The following ITGA3 variants were observed in gnomAD, a reference collection of about 807,000 sequenced individuals.
ITGA3 encodes integrin alpha-3.
Under a neutral mutation model 131.1 loss-of-function variants are expected in ITGA3, and 70 were observed. The ratio of observed to expected loss-of-function variants is 0.53; its 90% confidence interval spans 0.44 to 0.65. The LOEUF is 0.65. Ranked by LOEUF, ITGA3 falls within the 30% of genes least tolerant of loss-of-function variation. ITGA3 has a pLI of 0.00. For synonymous variants in ITGA3, 537 were observed against 571.6 expected, an observed-to-expected ratio of 0.94 and a Z score of 0.86; for missense variants, 1,098 against 1,388.6, an observed-to-expected ratio of 0.79 and a Z score of 3.33.
At chr17:50,063,084 T>TGGCCCAAGGCCATCCTCTGATGGCCCCA (rs1376586268) in intron 1 of ITGA3, among the ~76,000 whole-genome samples, 1 of 152,142 alleles carries the variant, frequency 6.6e-6, no homozygotes, top group African/African-American at 2.4e-5. Flanking sequence ...TCCTCTAAGA[T>TGGCCCAAGGCCATCCTCTGATGGCCCCA]GGCATTTCAG....
rs774253538 is a variant in ITGA3, at chr17:50,074,160, A to C, written c.1262A>C (p.Lys421Thr). 93 of 1,613,962 alleles carry C rather than the reference A, an allele frequency of 5.8e-5. No individual in the cohort carries two copies. Among genetic ancestry groups the C allele is most frequent in the Non-Finnish European group, 7.6e-5 (90 of 1,179,950 alleles). ...TGCCCCCAGGTAATCCATGGAGAGAAGCTGGGACTGCCTGGGTTGGCCACC... is the reference window on the plus strand; with the variant it reads ...TGCCCCCAGGTAATCCATGGAGAGACGCTGGGACTGCCTGGGTTGGCCACC... ...RQPQQVIHGE[K>T]LGLPGLATFG... is the part of the protein sequence containing the mutation. The change falls in exon 9 of 26, where the codon AAG (lysine) becomes ACG (threonine). Residue 421 changes from lysine (K) to threonine (T), a missense_variant. Lys to Thr is a moderately conservative substitution (Grantham distance 78). This residue lies in a region of ITGA3 where 699 missense variants were observed against 829.2 expected (regional missense o/e 0.84). Transcript: ENST00000320031.
chr17:50,062,611 C>G (rs1938235988), intron 1 of ITGA3, among the ~76,000 whole-genome samples: 1 of 152,222 alleles, frequency 6.6e-6, no homozygotes, highest in African/African-American at 2.4e-5. Context: ...CTTCCCAGCA[C>G]CCGCAGGCAG....
chr17:50,061,746 A>T (rs1156976476), intron 1 of ITGA3, among the ~76,000 whole-genome samples: 1 of 152,162 alleles, frequency 6.6e-6, no homozygotes, highest in African/African-American at 2.4e-5. Context: ...CAGGGCAGAA[A>T]TTCCTGGGTC....
intron 6 of ITGA3, 96 bp from the exon 7 acceptor site, chr17:50,071,890 G>A: frequency 9.0e-7 from 1 of 1,105,908 alleles, no homozygotes; most frequent in African/African-American, 1.6e-5. Flanking sequence ...CATTTGCAGA[G>A]CCCTGTGCCC....
At chr17:50,088,795 A>G (rs1909582017) in intron 25 of ITGA3, among the ~76,000 whole-genome samples, 1 of 152,100 alleles carries the variant, frequency 6.6e-6, no homozygotes, top group African/African-American at 2.4e-5. Context: ...AGGATAACAA[A>G]TGGACCCATT....
chr17:50,064,385 T>A lies in ITGA3; in HGVS notation c.335-143T>A. Reference sequence around the variant, plus strand: ...TGGATGGGATTGGTAGAGCTCAGAATAATGACGAGCTGGAGAAGGGGAGTT... The same window carrying A: ...TGGATGGGATTGGTAGAGCTCAGAAAAATGACGAGCTGGAGAAGGGGAGTT... On this transcript the variant is annotated intron_variant, in intron 2 of 25. Transcript: ENST00000320031. The surrounding 1 kb of genome is among the most constrained non-coding windows in gnomAD (Gnocchi z 4.4). 8.9e-7 allele frequency: 1 copy of A among 1,122,086 alleles called. No homozygotes were observed. The highest frequency in any genetic ancestry group is 1.3e-6 in the Non-Finnish European group (1 of 787,754). 69.5% of individuals were successfully genotyped at this position (1,122,086 alleles called of 1,614,324 possible).
intron 10 of ITGA3, among the ~76,000 whole-genome samples, chr17:50,075,229 A>G (rs925307927): frequency 4.6e-5 from 7 of 152,156 alleles, no homozygotes; most frequent in African/African-American, 1.7e-4. Flanking sequence ...TCTGGGCCCT[A>G]GGCCTCAGTT....
rs1909079748 is a variant in ITGA3 at position 50,079,432 on chromosome 17, C to T, written c.2584-3C>T. ...GCCAGCAAATCTCCTATTTCCTCTC[C>T]AGGACCCTGGGGACAGGCCATCATC... On this transcript the variant is annotated splice_region_variant and splice_polypyrimidine_tract_variant and intron_variant, in intron 20 of 25. Transcript: ENST00000320031. The T allele has an allele frequency of 6.4e-7, 1 of 1,560,310 alleles. No homozygotes were observed. Among genetic ancestry groups the T allele is most frequent in the African/African-American group, 1.4e-5 (1 of 73,422 alleles).
intron 1 of ITGA3, among the ~76,000 whole-genome samples, chr17:50,061,386 G>C (rs548141982): frequency 6.6e-6 from 1 of 152,074 alleles, no homozygotes; most frequent in Non-Finnish European, 1.5e-5. Context: ...GAGTTGAGGG[G>C]GCTGGGAGGG....
intron 23 of ITGA3, among the ~76,000 whole-genome samples, chr17:50,085,624 C>T (rs900658401): frequency 6.8e-6 from 1 of 147,640 alleles, no homozygotes; most frequent in Admixed American, 6.8e-5. Flanking sequence ...AGATTGTGCC[C>T]CTGCACTCCA....
intron 23 of ITGA3, among the ~76,000 whole-genome samples, chr17:50,081,953 C>G (rs1310973998): frequency 1.3e-5 from 2 of 152,168 alleles, no homozygotes; most frequent in African/African-American, 4.8e-5. Context: ...TGAGTATTGA[C>G]AGATGATGTC....
At chr17:50,082,891 C>T (rs9897507) in intron 23 of ITGA3, among the ~76,000 whole-genome samples, 17,978 of 152,152 alleles carry the variant, frequency 0.12, 1,324 homozygotes, top group East Asian at 0.32. Flanking sequence ...CAGTAGGATT[C>T]AGGAAACTTG....
chr17:50,074,431 C>T lies in ITGA3; in HGVS notation c.1383-17C>T. 1 of 1,612,664 alleles carries T rather than the reference C, an allele frequency of 6.2e-7. No individual in the cohort carries two copies. Reference sequence around the variant, plus strand: ...GCAGGAGGCACTGATATCTGTCTGGCTCTGTTGTCTCTGCAGGGCCCGGCC... The same window carrying T: ...GCAGGAGGCACTGATATCTGTCTGGTTCTGTTGTCTCTGCAGGGCCCGGCC... On this transcript the variant is annotated splice_polypyrimidine_tract_variant and intron_variant, in intron 9 of 25. Transcript: ENST00000320031.
At position 50,089,252 on chromosome 17, in the gene ITGA3, A is replaced by AC; in HGVS notation, c.*176dup. 2 of 1,612,744 alleles carry AC rather than the reference A, an allele frequency of 1.2e-6. No homozygotes were observed. The highest frequency in any genetic ancestry group is 1.7e-6 in the Non-Finnish European group (2 of 1,179,712). On this transcript the variant is annotated 3_prime_UTR_variant, in exon 26 of 26. Transcript: ENST00000320031. Reference sequence around the variant, plus strand: ...TGGGTGACCAGCTGGCAGACTCGGGACCAATACTACTGACGTCCTCCCTGA... The same window carrying AC: ...TGGGTGACCAGCTGGCAGACTCGGGACCCAATACTACTGACGTCCTCCCTGA...
intron 1 of ITGA3, 185 bp from the exon 2 acceptor site, chr17:50,063,892 G>T: frequency 1.3e-6 from 1 of 744,362 alleles, no homozygotes; most frequent in Non-Finnish European, 2.1e-6. Flanking sequence ...TCCCACTCCC[G>T]GGGCACTTCC....
intron 3 of ITGA3, among the ~76,000 whole-genome samples, chr17:50,067,419 A>C (rs886239362): frequency 1.5e-4 from 23 of 152,334 alleles, no homozygotes; most frequent in African/African-American, 5.3e-4. Context: ...TTAAGAGCTC[A>C]GATTTTGGAA....
At chr17:50,066,664 G>T (rs1470879709) in intron 3 of ITGA3, among the ~76,000 whole-genome samples, 2 of 151,916 alleles carry the variant, frequency 1.3e-5, no homozygotes, top group African/African-American at 4.8e-5. Flanking sequence ...AATCCCAGCT[G>T]CCTGGGAGGC....
intron 9 of ITGA3, 62 bp downstream of exon 9, chr17:50,074,342 C>T: frequency 1.2e-6 from 2 of 1,601,688 alleles, no homozygotes; most frequent in Non-Finnish European, 1.7e-6. Flanking sequence ...GCACAGATTC[C>T]CATCTGTGTC....
At chr17:50,084,230 CAAAAAAAA>C (rs61103198) in intron 23 of ITGA3, among the ~76,000 whole-genome samples, 5 of 26,990 alleles carry the variant, frequency 1.9e-4, no homozygotes, top group Admixed American at 4.3e-4. Context: ...GACTCTGTCT[CAAAAAAAA>C]AAAAAAAAAA....
Sources: gnomAD v4.1 joint callset for allele counts (sites outside exome capture counted in the v4.1 genomes callset) on GRCh38, gnomAD v4.1.1 for gene constraint, gnomAD v4.1.1 regional missense constraint, Gnocchi (gnomAD v3.1) non-coding constraint, MANE v1.5 for transcripts, NCBI Gene and HGNC (gene_info 2026-07-23, HGNC 2026-07-21) for gene names.